The following MTMR7 variants were observed in gnomAD, a reference collection of about 807,000 sequenced individuals.
The protein encoded by MTMR7 is myotubularin related protein 7, also known as phosphatidylinositol-3-phosphate phosphatase MTMR7.
In MTMR7, 76 loss-of-function variants were observed where a neutral mutation model predicts 81.2. That is an observed-to-expected ratio of 0.94 (90% CI 0.78 to 1.13). MTMR7 has a LOEUF of 1.13. Among genes scored for constraint, MTMR7 ranks in the 50% most tolerant of loss-of-function variants. The pLI is 0.00. For missense variants in MTMR7, 1,044 were observed against 820.0 expected (o/e 1.27, Z -3.34); for synonymous variants, 372 against 289.8 (o/e 1.28, Z -2.88).
At chr8:17,373,633 A>G (rs1472533484) in intron 1 of MTMR7, among the ~76,000 whole-genome samples, 2 of 152,238 alleles carry the variant, frequency 1.3e-5, no homozygotes, top group African/African-American at 4.8e-5. Flanking sequence ...TGAAAAAGAA[A>G]AAAGCACATT....
chr8:17,364,038 T>A (rs1334776533), intron 3 of MTMR7, among the ~76,000 whole-genome samples: 5 of 139,348 alleles, frequency 3.6e-5, no homozygotes, highest in Non-Finnish European at 7.8e-5. Context: ...TTTTTTTTTT[T>A]TTTTTTTTTC....
At chr8:17,363,049 G>C (rs1234464857) in intron 3 of MTMR7, among the ~76,000 whole-genome samples, 1 of 152,152 alleles carries the variant, frequency 6.6e-6, no homozygotes, top group African/African-American at 2.4e-5. Flanking sequence ...TTAGAGTACG[G>C]ACTATTTGGA....
chr8:17,410,585 CT>C (rs924970501), intron 1 of MTMR7, among the ~76,000 whole-genome samples: 1 of 152,232 alleles, frequency 6.6e-6, no homozygotes, highest in African/African-American at 2.4e-5. Flanking sequence ...GTCCTTGGAA[CT>C]TTTTTTTCCC....
intron 1 of MTMR7, among the ~76,000 whole-genome samples, chr8:17,411,616 C>T (rs1287492712): frequency 2.6e-5 from 4 of 152,302 alleles, no homozygotes; most frequent in South Asian, 2.1e-4. Flanking sequence ...AGTAACACTT[C>T]AGACAATTTT....
At chr8:17,325,238 G>A (rs1038140315) in intron 7 of MTMR7, among the ~76,000 whole-genome samples, 4 of 152,088 alleles carry the variant, frequency 2.6e-5, no homozygotes, top group African/African-American at 7.2e-5. Context: ...CCTTGGCAGG[G>A]AGACTAGAGC....
Position 17,299,172 on chromosome 8 carries a change from A to AAATC in MTMR7, c.*686_*689dup, listed in dbSNP as rs1284254945. On this transcript the variant is annotated 3_prime_UTR_variant, in exon 14 of 14. Transcript: ENST00000180173. ...TGTTGCTTCTACCTCGTTAGCTATTAAATCAGTGTTAGAGAAAAAGTGAGA... is the reference window on the plus strand; with the variant it reads ...TGTTGCTTCTACCTCGTTAGCTATTAAATCAATCAGTGTTAGAGAAAAAGTGAGA... 2 of 152,220 alleles carry AAATC rather than the reference A, an allele frequency of 1.3e-5. No homozygotes were observed. The highest frequency in any genetic ancestry group is 2.9e-5 in the Non-Finnish European group (2 of 68,036). The allele number at this position is 152,220 out of a possible 1,614,324, so 9.4% of individuals were successfully genotyped here.
At chr8:17,349,298 G>C (rs773645601) in intron 4 of MTMR7, 10 of 485,072 alleles carry the variant, frequency 2.1e-5, no homozygotes, top group Non-Finnish European at 3.7e-5. Context: ...GCTACCCTTA[G>C]TGTTCTGTCC....
Position 17,308,306 on chromosome 8 carries a change from A to G in MTMR7, c.1151+971T>C, listed in dbSNP as rs185962551. On this transcript the variant is annotated intron_variant, in intron 10 of 13. Transcript: ENST00000180173. The stretch of plus-strand genomic sequence containing the variant: ...TGGAGATCCTAACTGCCTAGCGTGT[A>G]ATATTAATAGAACCCCAAACTGAAA... Among the ~76,000 whole-genome samples, 47 of 152,280 alleles carry G rather than the reference A, an allele frequency of 3.1e-4. 1 individual carries two copies. In the East Asian group the frequency reaches 6.6e-3, roughly 21 times the overall value.
At chr8:17,309,624 C>A (rs1018611978) in intron 9 of MTMR7, among the ~76,000 whole-genome samples, 1 of 152,154 alleles carries the variant, frequency 6.6e-6, no homozygotes, top group African/African-American at 2.4e-5. Context: ...TGATCTCTAA[C>A]TGTAGGATAG....
chr8:17,399,743 T>C (rs927132970), intron 1 of MTMR7, among the ~76,000 whole-genome samples: 2 of 152,058 alleles, frequency 1.3e-5, no homozygotes, highest in African/African-American at 4.8e-5. Context: ...CCAAGAGATA[T>C]CCGCACTCCC....
intron 5 of MTMR7, among the ~76,000 whole-genome samples, chr8:17,343,562 C>T (rs1030339351): frequency 6.6e-5 from 10 of 152,136 alleles, no homozygotes; most frequent in African/African-American, 2.4e-4. Context: ...CTCACTAAAG[C>T]AGTGAGACAC....
At chr8:17,393,156 T>C (rs570832477) in intron 1 of MTMR7, among the ~76,000 whole-genome samples, 1 of 152,320 alleles carries the variant, frequency 6.6e-6, no homozygotes, top group South Asian at 2.1e-4. Context: ...AACAAGGGTA[T>C]GAAGACAATT....
chr8:17,351,341 G>A (rs1474924082), intron 4 of MTMR7, among the ~76,000 whole-genome samples: 1 of 152,124 alleles, frequency 6.6e-6, no homozygotes, highest in African/African-American at 2.4e-5. Context: ...GTCTTCTAAG[G>A]CTAAATAAAC....
At chr8:17,350,610 G>A (rs946302858) in intron 4 of MTMR7, among the ~76,000 whole-genome samples, 3 of 152,130 alleles carry the variant, frequency 2.0e-5, no homozygotes, top group African/African-American at 4.8e-5. Context: ...CCCACATCAA[G>A]GGGAAATACT....
At chr8:17,371,296 C>T (rs369831220) in intron 2 of MTMR7, 97 bp from the exon 3 acceptor site, 25 of 1,378,678 alleles carry the variant, frequency 1.8e-5, no homozygotes, top group Middle Eastern at 2.7e-4. Flanking sequence ...AGACAAGAAA[C>T]GCTCCCCAAC....
At chr8:17,404,595 C>A (rs200477687) in intron 1 of MTMR7, among the ~76,000 whole-genome samples, 2 of 152,070 alleles carry the variant, frequency 1.3e-5, no homozygotes, top group Admixed American at 1.3e-4. Context: ...ACTTCATCTA[C>A]AATTCTCAAG....
intron 1 of MTMR7, among the ~76,000 whole-genome samples, chr8:17,412,346 G>C (rs936067333): frequency 6.6e-6 from 1 of 152,144 alleles, no homozygotes; most frequent in Non-Finnish European, 1.5e-5. Context: ...ACCTGTCAGG[G>C]GCCTACATTT....
chr8:17,335,733 A>G (rs1486933020), intron 6 of MTMR7, among the ~76,000 whole-genome samples: 1 of 152,198 alleles, frequency 6.6e-6, no homozygotes, highest in Non-Finnish European at 1.5e-5. Flanking sequence ...ACTATTCTCT[A>G]CAACTGTGCT....
At chr8:17,357,568 C>G (rs1819932543) in intron 4 of MTMR7, among the ~76,000 whole-genome samples, 1 of 152,092 alleles carries the variant, frequency 6.6e-6, no homozygotes, top group Non-Finnish European at 1.5e-5. Context: ...TCCCTCATAG[C>G]TATCACAAAA....
Sources: gnomAD v4.1 joint callset for allele counts (sites outside exome capture counted in the v4.1 genomes callset) on GRCh38, gnomAD v4.1.1 for gene constraint, MANE v1.5 for transcripts, NCBI Gene and HGNC (gene_info 2026-07-23, HGNC 2026-07-21) for gene names.